Variants in PDE4B observed in about 807,000 individuals in gnomAD.
The protein encoded by PDE4B is 3',5'-cyclic-AMP phosphodiesterase 4B.
PDE4B carries 20 observed loss-of-function variants against 82.2 expected under a neutral mutation model. The observed-to-expected ratio is 0.24, with a 90% confidence interval of 0.17 to 0.35. PDE4B has a LOEUF of 0.35. PDE4B is among the 10% of genes least tolerant of loss of function. PDE4B has a pLI of 1.00. For synonymous variants in PDE4B, 320 were observed against 318.9 expected (o/e 1.00, Z -0.04); for missense variants, 655 against 907.2 (o/e 0.72, Z 3.57).
At chr1:65,819,551 G>T (rs1336008565) in intron 1 of PDE4B, among the ~76,000 whole-genome samples, 3 of 150,766 alleles carry the variant, frequency 2.0e-5, no homozygotes, top group Non-Finnish European at 4.4e-5. Context: ...GCCCAGGCTG[G>T]AGTACAGTGG....
rs576912875 is a variant in PDE4B, at chr1:66,306,091, T to C, written c.635-26417T>C. Among the ~76,000 whole-genome samples the C allele has an allele frequency of 9.4e-4, 143 of 152,080 alleles. 2 individuals carry two copies. In the South Asian group the frequency reaches 0.028, roughly 30 times the overall value. Reference sequence around the variant, plus strand: ...GAAGACATCATCCAGGAAAAATAGATCAAAGACAATGTGCTGAAAATAACA... The same window carrying C: ...GAAGACATCATCCAGGAAAAATAGACCAAAGACAATGTGCTGAAAATAACA... On this transcript the variant is annotated intron_variant, in intron 7 of 16. Coordinates refer to ENST00000341517, the MANE Select transcript of PDE4B (RefSeq NM_002600.4).
Position 65,852,928 on chromosome 1 carries a change from A to T in PDE4B, c.-71+59680A>T, listed in dbSNP as rs149215513. 2.8e-3 allele frequency among the ~76,000 whole-genome samples: 426 copies of T among 152,194 alleles called. 2 individuals are homozygous for T. The highest frequency in any genetic ancestry group is 4.7e-3 in the Non-Finnish European group (321 of 67,968). On this transcript the variant is annotated intron_variant, in intron 1 of 16. Transcript: ENST00000341517. Reference sequence around the variant, plus strand: ...TTATTGATAATGTTAAGAATTATTTATACTTACAGATTGCCTGTCTGCTTG... The same window carrying T: ...TTATTGATAATGTTAAGAATTATTTTTACTTACAGATTGCCTGTCTGCTTG...
chr1:66,261,033 C>T (rs1481460559), intron 6 of PDE4B, among the ~76,000 whole-genome samples: 3 of 152,160 alleles, frequency 2.0e-5, no homozygotes, highest in Non-Finnish European at 4.4e-5. Flanking sequence ...ACTACCTTGT[C>T]ACCAACAAAA....
chr1:66,204,956 G>C (rs1344341686), intron 3 of PDE4B, among the ~76,000 whole-genome samples: 1 of 152,176 alleles, frequency 6.6e-6, no homozygotes, highest in Non-Finnish European at 1.5e-5. Flanking sequence ...GGGAGCTGTA[G>C]ACTGGAGCTA....
chr1:66,139,588 C>G (rs759124172), intron 3 of PDE4B, among the ~76,000 whole-genome samples: 2 of 152,042 alleles, frequency 1.3e-5, no homozygotes, highest in Non-Finnish European at 2.9e-5. Flanking sequence ...TGCAAAGTCT[C>G]TTTTATCATT....
chr1:66,321,213 C>A (rs1342033533), intron 7 of PDE4B, among the ~76,000 whole-genome samples: 2 of 152,178 alleles, frequency 1.3e-5, no homozygotes, highest in Admixed American at 1.3e-4. Context: ...GTGAGTTGAA[C>A]TAGTATAAAC....
intron 3 of PDE4B, among the ~76,000 whole-genome samples, chr1:65,933,322 A>T (rs1044295560): frequency 6.7e-6 from 1 of 148,512 alleles, no homozygotes; most frequent in African/African-American, 2.5e-5. Context: ...GCTGAAATTA[A>T]AAAAAAAAAA....
intron 7 of PDE4B, among the ~76,000 whole-genome samples, chr1:66,274,558 A>G (rs528076945): frequency 3.3e-5 from 5 of 152,174 alleles, no homozygotes; most frequent in Admixed American, 1.3e-4. Flanking sequence ...AAGAGTGAAG[A>G]CTCTGGAGTC....
At chr1:66,136,023 G>T (rs771311555) in intron 3 of PDE4B, among the ~76,000 whole-genome samples, 1 of 152,068 alleles carries the variant, frequency 6.6e-6, no homozygotes, top group African/African-American at 2.4e-5. Context: ...TCTCTTGTGG[G>T]TACTTTCATG....
chr1:66,359,986 C>G (rs1662621562), intron 9 of PDE4B, among the ~76,000 whole-genome samples: 1 of 152,060 alleles, frequency 6.6e-6, no homozygotes, highest in South Asian at 2.1e-4. Context: ...TTGCTGACTT[C>G]ATCTGAAAAA....
intron 7 of PDE4B, among the ~76,000 whole-genome samples, chr1:66,288,961 C>A (rs1475614790): frequency 1.3e-5 from 2 of 152,148 alleles, no homozygotes. Context: ...CAGATTAATA[C>A]TTTGATGGCT....
At chr1:66,345,680 T>C (rs1361456524) in intron 8 of PDE4B, among the ~76,000 whole-genome samples, 1 of 152,202 alleles carries the variant, frequency 6.6e-6, no homozygotes, top group Non-Finnish European at 1.5e-5. Context: ...TTGTTAGTGA[T>C]AAATCCATTA....
chr1:65,923,696 T>C (rs1647338266), intron 3 of PDE4B, among the ~76,000 whole-genome samples: 1 of 152,232 alleles, frequency 6.6e-6, no homozygotes, highest in Non-Finnish European at 1.5e-5. Flanking sequence ...TGTCTTCTGT[T>C]GTTACTATTA....
At chr1:65,904,995 C>T (rs1247474479) in intron 1 of PDE4B, among the ~76,000 whole-genome samples, 2 of 152,152 alleles carry the variant, frequency 1.3e-5, no homozygotes, top group African/African-American at 4.8e-5. Flanking sequence ...CCTGCCCCCT[C>T]CTATCTGCTG....
intron 1 of PDE4B, among the ~76,000 whole-genome samples, chr1:65,800,567 G>A (rs769524826): frequency 9.9e-5 from 15 of 152,156 alleles, no homozygotes; most frequent in Non-Finnish European, 1.8e-4. Context: ...TATAAAATAA[G>A]GCCAGCTTAT....
chr1:65,963,183 G>A (rs1053366114), intron 3 of PDE4B, among the ~76,000 whole-genome samples: 1 of 151,996 alleles, frequency 6.6e-6, no homozygotes, highest in Admixed American at 6.6e-5. Context: ...CTAACCCCCT[G>A]CCCCCACCTT....
At chr1:65,901,031 C>T (rs1399190827) in intron 1 of PDE4B, among the ~76,000 whole-genome samples, 1 of 152,050 alleles carries the variant, frequency 6.6e-6, no homozygotes, top group Non-Finnish European at 1.5e-5. Context: ...TGTCTTGCTT[C>T]TGTTCTTAAG....
chr1:65,833,880 A>AC (rs1646110744), intron 1 of PDE4B, among the ~76,000 whole-genome samples: 1 of 152,190 alleles, frequency 6.6e-6, no homozygotes, highest in African/African-American at 2.4e-5. Flanking sequence ...CTAGGTAATG[A>AC]CACTCAAAAT....
chr1:65,858,878 G>A (rs1019522644), intron 1 of PDE4B, among the ~76,000 whole-genome samples: 3 of 152,152 alleles, frequency 2.0e-5, no homozygotes, highest in Admixed American at 1.3e-4. Flanking sequence ...AAAAGATGCA[G>A]TTCAGCTCTG....
Sources: allele counts gnomAD v4.1 joint callset (sites outside exome capture counted in the v4.1 genomes callset), GRCh38; gene constraint gnomAD v4.1.1; transcripts MANE v1.5; gene names NCBI Gene and HGNC (gene_info 2026-07-23, HGNC 2026-07-21).